Variants in FEZ2 observed in about 807,000 individuals in gnomAD.
FEZ2 encodes fasciculation and elongation protein zeta-2.
FEZ2 carries 51 observed loss-of-function variants against 40.4 expected under a neutral mutation model. The observed-to-expected ratio is 1.26, with a 90% CI of 1.01 to 1.59. The LOEUF (loss-of-function observed/expected upper bound fraction) is 1.59. Ranked by LOEUF, FEZ2 falls within the 40% of genes most tolerant of loss-of-function variation. The pLI is 0.00. For missense variants in FEZ2, 640 were observed against 438.3 expected (o/e 1.46, Z -4.11); for synonymous variants, 242 against 172.0 (o/e 1.41, Z -3.18).
intron 4 of FEZ2, chr2:36,579,146 C>A (rs1023205827): frequency 2.7e-6 from 1 of 364,644 alleles, no homozygotes; most frequent in Non-Finnish European, 4.9e-6. Flanking sequence ...TAAATCATTG[C>A]ATGAATAATA....
rs964463335 is a variant in FEZ2, at chr2:36,553,094, G to A, written c.*69C>T. On this transcript the variant is annotated 3_prime_UTR_variant, in exon 8 of 8. Transcript: ENST00000405912. ...AGTTTCCAATAGCAAGAAGGGTAAT[G>A]GTAGCCAGCTCTCAGAATAATGCTG... 7.4e-7 allele frequency: 1 copy of A among 1,349,448 alleles called. No homozygotes were observed. The highest frequency in any genetic ancestry group is 2.5e-5 in the East Asian group (1 of 40,262). 83.6% of individuals were successfully genotyped at this position (1,349,448 alleles called of 1,614,324 possible).
At chr2:36,596,581 G>A (rs530500966) in intron 1 of FEZ2, among the ~76,000 whole-genome samples, 4 of 152,188 alleles carry the variant, frequency 2.6e-5, no homozygotes, top group South Asian at 4.2e-4. Flanking sequence ...CTCAGCCTCC[G>A]GGCAGCTGGG....
In FEZ2 at chr2:36,584,846, G is replaced by A. The variant is rs138802281; in HGVS notation, c.376-1377C>T. ...AGCCTACAGAGTAAGAAACCTGCAC[G>A]TGAGAAGGGCCAAGGGAAGAAGCAC... On this transcript the variant is annotated intron_variant, in intron 2 of 7. Transcript: ENST00000405912. Among the ~76,000 whole-genome samples the A allele has an allele frequency of 1.7e-4, 26 of 152,314 alleles. No individual in the cohort carries two copies. The South Asian group carries it at 1.9e-3, about 11-fold the overall frequency.
At chr2:36,554,862 G>A (rs1667913947) in intron 7 of FEZ2, among the ~76,000 whole-genome samples, 1 of 152,196 alleles carries the variant, frequency 6.6e-6, no homozygotes, top group Admixed American at 6.5e-5. Context: ...TAATGGAGAA[G>A]AGAGAGAACC....
chr2:36,567,239 G>A (rs543557610), intron 5 of FEZ2, among the ~76,000 whole-genome samples: 55 of 151,904 alleles, frequency 3.6e-4, no homozygotes, highest in Middle Eastern at 3.4e-3. Context: ...ATATCATGAG[G>A]TGTCTTGACT....
intron 2 of FEZ2, among the ~76,000 whole-genome samples, chr2:36,586,076 AAAG>A (rs1484911926): frequency 3.3e-5 from 5 of 152,162 alleles, no homozygotes; most frequent in Admixed American, 6.5e-5. Context: ...TTAATTTTTT[AAAG>A]AAGGAGAAAG....
chr2:36,560,452 T>C (rs989635646), intron 5 of FEZ2, among the ~76,000 whole-genome samples: 22 of 152,230 alleles, frequency 1.4e-4, no homozygotes, highest in African/African-American at 5.3e-4. Flanking sequence ...TCACATATTT[T>C]AGTTTAGTTA....
chr2:36,586,612 G>A (rs1410856535), intron 2 of FEZ2, among the ~76,000 whole-genome samples: 1 of 146,856 alleles, frequency 6.8e-6, no homozygotes, highest in Non-Finnish European at 1.5e-5. Context: ...GGACAACAGA[G>A]CCAGACCATG....
At chr2:36,597,092 T>C (rs1340009706) in intron 1 of FEZ2, among the ~76,000 whole-genome samples, 1 of 151,976 alleles carries the variant, frequency 6.6e-6, no homozygotes, top group East Asian at 1.9e-4. Context: ...ATCGTTACCA[T>C]CAGTAAGCAG....
At chr2:36,562,717 T>A (rs1176899819) in intron 5 of FEZ2, among the ~76,000 whole-genome samples, 2 of 152,246 alleles carry the variant, frequency 1.3e-5, no homozygotes, top group Admixed American at 6.5e-5. Flanking sequence ...TCATATTTTT[T>A]AAGCAGATTA....
chr2:36,582,528 C>T (rs563785296), intron 3 of FEZ2, among the ~76,000 whole-genome samples: 1 of 152,258 alleles, frequency 6.6e-6, no homozygotes, highest in African/African-American at 2.4e-5. Flanking sequence ...CATGTCTATC[C>T]CTAGATTACC....
At chr2:36,597,809 T>C in intron 1 of FEZ2, 68 bp downstream of exon 1, 3 of 1,046,332 alleles carry the variant, frequency 2.9e-6, no homozygotes, top group Non-Finnish European at 3.5e-6. Flanking sequence ...GCTGCGGCCG[T>C]AGGGCTGCCG....
rs184791140 is a variant in FEZ2 at position 36,594,501 on chromosome 2, G to T, written c.266+3376C>A. 290 of 194,846 alleles carry T rather than the reference G, an allele frequency of 1.5e-3. 1 individual carries two copies. The highest frequency in any genetic ancestry group is 6.5e-3 in the African/African-American group (274 of 42,358). 12.1% of individuals were successfully genotyped at this position (194,846 alleles called of 1,614,324 possible). A position where few individuals can be genotyped will look rare whatever the true frequency, so the allele number is the denominator to read the frequency against. On this transcript the variant is annotated intron_variant, in intron 1 of 7. Coordinates refer to ENST00000405912, the MANE Select transcript of FEZ2 (RefSeq NM_005102.3). ...GCGGCAGCAAGGGAAAATGAGGAAG[G>T]AGCAAAAGCGGAAACCCCTGATAAG... is the stretch of plus-strand genomic sequence containing the variant.
chr2:36,588,530 A>G (rs914450908), intron 2 of FEZ2, among the ~76,000 whole-genome samples: 1 of 152,154 alleles, frequency 6.6e-6, no homozygotes, highest in African/African-American at 2.4e-5. Flanking sequence ...AGGACACCCC[A>G]ATAGCAAAAT....
intron 1 of FEZ2, among the ~76,000 whole-genome samples, 158 bp downstream of exon 1, chr2:36,597,719 G>A (rs1452349356): frequency 1.3e-5 from 2 of 152,194 alleles, no homozygotes; most frequent in African/African-American, 4.8e-5. Flanking sequence ...ATTGCTGGGC[G>A]AGCCGAGGCC....
intron 2 of FEZ2, among the ~76,000 whole-genome samples, chr2:36,588,475 A>G (rs1441321504): frequency 6.6e-6 from 1 of 152,160 alleles, no homozygotes; most frequent in Admixed American, 6.5e-5. Flanking sequence ...TAAGAACAAT[A>G]CAAGACATAC....
intron 5 of FEZ2, among the ~76,000 whole-genome samples, chr2:36,566,297 G>A (rs184618284): frequency 7.0e-4 from 105 of 149,414 alleles, no homozygotes; most frequent in African/African-American, 2.5e-3. Flanking sequence ...CCGAGATCGC[G>A]CCACTGCACT....
At chr2:36,554,431 T>C (rs1307826494) in intron 7 of FEZ2, among the ~76,000 whole-genome samples, 1 of 152,264 alleles carries the variant, frequency 6.6e-6, no homozygotes, top group Non-Finnish European at 1.5e-5. Flanking sequence ...ATAATTAAAA[T>C]TTAAGACATG....
At position 36,553,188 on chromosome 2, in the gene FEZ2, A is replaced by G. The variant is rs748092603; in HGVS notation, c.1046-9T>C. The G allele has an allele frequency of 1.9e-6, 3 of 1,551,028 alleles. No homozygotes were observed. Among genetic ancestry groups the G allele is most frequent in the African/African-American group, 1.4e-5 (1 of 73,276 alleles). ...CTATGTAGGACACAGAACTAGAAGA[A>G]AAAGAGAACTTTTAGCTACAAATGT... is the stretch of plus-strand genomic sequence containing the variant. On this transcript the variant is annotated splice_polypyrimidine_tract_variant and intron_variant, in intron 7 of 7. Coordinates refer to ENST00000405912, the MANE Select transcript of FEZ2 (RefSeq NM_005102.3).
Sources: gnomAD v4.1 joint callset for allele counts (sites outside exome capture counted in the v4.1 genomes callset) on GRCh38, gnomAD v4.1.1 for gene constraint, MANE v1.5 for transcripts, NCBI Gene and HGNC (gene_info 2026-07-23, HGNC 2026-07-21) for gene names.